The following CCDC3 variants were observed in gnomAD, a reference collection of about 807,000 sequenced individuals.
CCDC3 encodes coiled-coil domain-containing protein 3.
In CCDC3, 24 loss-of-function variants were observed where a neutral mutation model predicts 21.4. That is an observed-to-expected ratio of 1.12 (90% CI 0.81 to 1.58). The LOEUF (loss-of-function observed/expected upper bound fraction) is 1.58. CCDC3 is among the 40% of genes most tolerant of loss of function. The pLI is 0.00. For synonymous variants in CCDC3, 186 were observed against 166.0 expected (o/e 1.12, Z -0.93); for missense variants, 425 against 360.9 (o/e 1.18, Z -1.44).
intron 2 of CCDC3, among the ~76,000 whole-genome samples, chr10:12,925,751 G>A (rs1834527472): frequency 6.6e-6 from 1 of 152,174 alleles, no homozygotes; most frequent in Non-Finnish European, 1.5e-5. Context: ...GTCATCCCTG[G>A]ATCATTTCTC....
At chr10:13,053,363 G>T (rs1836637389) in intron 4 of CCDC3, among the ~76,000 whole-genome samples, 1 of 151,866 alleles carries the variant, frequency 6.6e-6, no homozygotes, top group African/African-American at 2.4e-5. Flanking sequence ...GAGACCAGGA[G>T]TTCAAGACCA....
intron 3 of CCDC3, among the ~76,000 whole-genome samples, chr10:13,080,193 AAGAG>A (rs150549896): frequency 4.0e-4 from 60 of 149,888 alleles, no homozygotes; most frequent in Admixed American, 1.7e-3. Context: ...CGGGATGGCA[AAGAG>A]AGAGAGAGAG....
At chr10:12,913,166 T>C (rs1834296736) in intron 2 of CCDC3, among the ~76,000 whole-genome samples, 1 of 152,222 alleles carries the variant, frequency 6.6e-6, no homozygotes, top group South Asian at 2.1e-4. Flanking sequence ...ATTGAATCTG[T>C]AGATCACTCT....
chr10:13,001,503 T>G lies in CCDC3; in HGVS notation c.68A>C (p.Gln23Pro). Residue 23 changes from glutamine (Q) to proline (P), a missense_variant, in exon 1 of 3, where the codon CAG becomes CCG. By Grantham distance (76) the Gln-to-Pro change is moderately conservative. Transcript: ENST00000378825. Reference protein sequence around the residue: ...AGPPAPARACQLPSEWRPLSE... With the variant: ...AGPPAPARACPLPSEWRPLSE... ...CAGGGGCCTCCACTCGGAGGGCAGC[T>G]GGCAGGCGCGCGCGGGCGCTGGGGG... The G allele has an allele frequency of 7.5e-7, 1 of 1,332,194 alleles. No individual in the cohort carries two copies. 82.5% of individuals were successfully genotyped at this position (1,332,194 alleles called of 1,614,324 possible). A position where few individuals can be genotyped will look rare whatever the true frequency, so the allele number is the denominator to read the frequency against.
At chr10:13,024,211 CTA>C (rs1027278878) in intron 5 of CCDC3, among the ~76,000 whole-genome samples, 6 of 151,600 alleles carry the variant, frequency 4.0e-5, no homozygotes, top group Admixed American at 3.3e-4. Context: ...TCATTTTGAG[CTA>C]TCTCTTTCCT....
At chr10:13,086,577 G>A (rs1182797669) in intron 3 of CCDC3, among the ~76,000 whole-genome samples, 2 of 152,178 alleles carry the variant, frequency 1.3e-5, no homozygotes, top group African/African-American at 4.8e-5. Context: ...CTCCCCAGCA[G>A]CTGGGATTAC....
At chr10:12,995,333 C>T (rs1835745767) in intron 2 of CCDC3, among the ~76,000 whole-genome samples, 1 of 152,118 alleles carries the variant, frequency 6.6e-6, no homozygotes, top group Admixed American at 6.6e-5. Context: ...CCTCTGCCTC[C>T]CAAGATCAAA....
At chr10:12,962,877 TTTC>T (rs1321943205) in intron 2 of CCDC3, among the ~76,000 whole-genome samples, 1 of 152,172 alleles carries the variant, frequency 6.6e-6, no homozygotes, top group Non-Finnish European at 1.5e-5. Flanking sequence ...GGAAGCCAAT[TTTC>T]TTCTTTTCCT....
chr10:13,058,510 G>A lies in CCDC3; in HGVS notation c.-269-8569C>T, dbSNP rs764950283. On this transcript the variant is annotated intron_variant, in intron 4 of 6. Coordinates refer to the CCDC3 transcript ENST00000378839. ...AATCTGACAAATGATATCTCTGTTC[G>A]TTACACAAACTATCATCCTGTATTT... 512 of 743,544 alleles carry A rather than the reference G, an allele frequency of 6.9e-4. 1 individual carries two copies. Among genetic ancestry groups the A allele is most frequent in the Non-Finnish European group, 1.1e-3 (430 of 405,440 alleles). 46.1% of individuals were successfully genotyped at this position (743,544 alleles called of 1,614,324 possible). A position where few individuals can be genotyped will look rare whatever the true frequency, so the allele number is the denominator to read the frequency against.
At chr10:12,916,577 G>A (rs576639895) in intron 2 of CCDC3, among the ~76,000 whole-genome samples, 68 of 150,710 alleles carry the variant, frequency 4.5e-4, no homozygotes, top group African/African-American at 1.4e-3. Context: ...CTGAGATCAC[G>A]CCACTGCACT....
chr10:12,926,097 T>G (rs1834532528), intron 2 of CCDC3, among the ~76,000 whole-genome samples: 1 of 152,220 alleles, frequency 6.6e-6, no homozygotes, highest in Non-Finnish European at 1.5e-5. Flanking sequence ...TGCTCAGTCC[T>G]GGGTAGGGAC....
At chr10:12,998,248 G>C in intron 2 of CCDC3, 90 bp downstream of exon 2, 1 of 1,406,098 alleles carries the variant, frequency 7.1e-7, no homozygotes, top group Non-Finnish European at 9.8e-7. Context: ...GCTTTTGGAA[G>C]AGTATTCTTG....
chr10:13,028,894 A>G (rs181801199), intron 5 of CCDC3, among the ~76,000 whole-genome samples: 8 of 152,208 alleles, frequency 5.3e-5, no homozygotes, highest in African/African-American at 1.9e-4. Context: ...ACCTGAGGAC[A>G]GGAAGCACAG....
chr10:13,073,540 C>T (rs1836912529), intron 4 of CCDC3, among the ~76,000 whole-genome samples: 2 of 109,984 alleles, frequency 1.8e-5, no homozygotes, highest in African/African-American at 5.6e-5. Context: ...CTCACTCTGT[C>T]ACCCAGGCTG....
intron 5 of CCDC3, among the ~76,000 whole-genome samples, chr10:13,037,307 T>C (rs913379358): frequency 1.3e-5 from 2 of 152,190 alleles, no homozygotes; most frequent in Non-Finnish European, 2.9e-5. Context: ...TTTTTTTAAA[T>C]TAAATACTTC....
intron 2 of CCDC3, among the ~76,000 whole-genome samples, chr10:12,947,882 A>G (rs1213323407): frequency 6.6e-6 from 1 of 152,202 alleles, no homozygotes; most frequent in African/African-American, 2.4e-5. Context: ...TCTTATTAGC[A>G]TTGTCCCTCA....
At chr10:13,035,348 C>A (rs1184281948) in intron 5 of CCDC3, among the ~76,000 whole-genome samples, 2 of 152,022 alleles carry the variant, frequency 1.3e-5, no homozygotes, top group African/African-American at 2.4e-5. Flanking sequence ...TCAGCAGTTA[C>A]ACATTAGACA....
chr10:12,973,312 C>T lies in CCDC3; in HGVS notation c.549+25026G>A, dbSNP rs532041124. ...AGCCACGTGTCCCAGGTCCTGGGCCCGAGGACAGCGGCCCAGCCCACCAGT... is the reference window on the plus strand; with the variant it reads ...AGCCACGTGTCCCAGGTCCTGGGCCTGAGGACAGCGGCCCAGCCCACCAGT... On this transcript the variant is annotated intron_variant, in intron 2 of 2. Transcript: ENST00000378825. Among the ~76,000 whole-genome samples the T allele has an allele frequency of 1.4e-4, 22 of 152,174 alleles. No homozygotes were observed. The South Asian group carries it at 4.0e-3, about 27-fold the overall frequency.
At chr10:13,050,582 TC>T (rs1836592824) in intron 4 of CCDC3, among the ~76,000 whole-genome samples, 2 of 146,874 alleles carry the variant, frequency 1.4e-5, no homozygotes, top group South Asian at 4.4e-4. Flanking sequence ...TGCCTCAGCC[TC>T]CTGAGTAGCT....
Sources: allele counts gnomAD v4.1 joint callset (sites outside exome capture counted in the v4.1 genomes callset), GRCh38; gene constraint gnomAD v4.1.1; transcripts MANE v1.5; gene names NCBI Gene and HGNC (gene_info 2026-07-23, HGNC 2026-07-21).